Variants in VSTM4 observed in about 807,000 individuals in gnomAD.
VSTM4 encodes V-set and transmembrane domain containing 4, also known as V-set and transmembrane domain-containing protein 4.
In VSTM4, 20 loss-of-function variants were observed where a neutral mutation model predicts 36.4. That is an observed-to-expected ratio of 0.55 (90% confidence interval 0.39 to 0.80). The LOEUF is 0.80. Among genes scored for constraint, VSTM4 ranks in the 30% least tolerant of loss-of-function variants. VSTM4 has a pLI of 0.00. For synonymous variants in VSTM4, 182 were observed against 173.9 expected (o/e 1.05, Z -0.37); for missense variants, 392 against 404.5 (o/e 0.97, Z 0.26).
intron 2 of VSTM4, among the ~76,000 whole-genome samples, chr10:49,097,657 AG>A (rs758393464): frequency 2.1e-4 from 32 of 152,242 alleles, no homozygotes; most frequent in Non-Finnish European, 2.9e-5. Context: ...TGTGCAACAC[AG>A]GGCAAAGCAA....
At chr10:49,109,981 G>A (rs1025599054) in intron 1 of VSTM4, among the ~76,000 whole-genome samples, 2 of 152,220 alleles carry the variant, frequency 1.3e-5, no homozygotes, top group Non-Finnish European at 2.9e-5. Flanking sequence ...CAGCTCCCAC[G>A]GCAGGAGCTC....
chr10:49,033,330 G>A (rs1260478788), intron 7 of VSTM4, among the ~76,000 whole-genome samples: 2 of 152,044 alleles, frequency 1.3e-5, no homozygotes. Flanking sequence ...AGGGAACTTG[G>A]CACACAGAAA....
At chr10:49,043,594 G>T (rs1007593704) in intron 7 of VSTM4, among the ~76,000 whole-genome samples, 3 of 152,154 alleles carry the variant, frequency 2.0e-5, no homozygotes, top group Non-Finnish European at 4.4e-5. Flanking sequence ...TAAAGGTAAT[G>T]AAGGGAAAGA....
At chr10:49,056,145 C>G (rs962955165) in intron 5 of VSTM4, among the ~76,000 whole-genome samples, 1 of 152,242 alleles carries the variant, frequency 6.6e-6, no homozygotes, top group Non-Finnish European at 1.5e-5. Flanking sequence ...ATGACCTTTA[C>G]AATAAATGGT....
At chr10:49,023,581 C>T (rs930519964) in intron 7 of VSTM4, among the ~76,000 whole-genome samples, 2 of 152,312 alleles carry the variant, frequency 1.3e-5, no homozygotes, top group African/African-American at 2.4e-5. Context: ...CACAGCCTGA[C>T]GAGGAGCCTG....
At chr10:49,044,292 C>G (rs571972724) in intron 7 of VSTM4, among the ~76,000 whole-genome samples, 75 of 151,622 alleles carry the variant, frequency 4.9e-4, no homozygotes, top group Middle Eastern at 3.4e-3. Context: ...AGTACCACTG[C>G]ATTCCAGCTT....
chr10:49,092,594 G>A (rs934010587), intron 2 of VSTM4, among the ~76,000 whole-genome samples: 3 of 152,194 alleles, frequency 2.0e-5, no homozygotes, highest in Admixed American at 6.5e-5. Flanking sequence ...TATGGAAAGG[G>A]GAAGGGGCGT....
At position 49,014,377 on chromosome 10, in the gene VSTM4, G is replaced by A. The variant is rs1843071995; in HGVS notation, c.*5273C>T. The A allele has an allele frequency of 6.6e-6, 1 of 152,186 alleles. No individual in the cohort carries two copies. Among genetic ancestry groups the A allele is most frequent in the African/African-American group, 2.4e-5 (1 of 41,434 alleles). The allele number at this position is 152,186 out of a possible 1,614,324, so 9.4% of individuals were successfully genotyped here. ...CAATCAGACACTAAATTGGAGTGAC[G>A]CTAATAGCATTGTGTTTATTAGAAA... On this transcript the variant is annotated 3_prime_UTR_variant, in exon 8 of 8. Coordinates refer to ENST00000332853, the MANE Select transcript of VSTM4 (RefSeq NM_001031746.5).
chr10:49,097,911 G>A (rs542863334), intron 2 of VSTM4, among the ~76,000 whole-genome samples: 7 of 152,288 alleles, frequency 4.6e-5, no homozygotes, highest in South Asian at 4.1e-4. Context: ...GTTTGTTTGC[G>A]TGTGTTCTTG....
intron 2 of VSTM4, among the ~76,000 whole-genome samples, chr10:49,094,086 T>C (rs1844528204): frequency 6.6e-6 from 1 of 152,182 alleles, no homozygotes. Flanking sequence ...ATGAACGTGA[T>C]ACAGTGGGGT....
intron 4 of VSTM4, among the ~76,000 whole-genome samples, chr10:49,073,055 C>G (rs1590107317): frequency 6.6e-6 from 1 of 152,202 alleles, no homozygotes; most frequent in East Asian, 1.9e-4. Flanking sequence ...GAAGTCTTGA[C>G]CACCTTAAAA....
intron 2 of VSTM4, chr10:49,103,467 C>A: frequency 5.8e-6 from 6 of 1,029,760 alleles, no homozygotes; most frequent in Non-Finnish European, 7.1e-6. Flanking sequence ...TCTTTAAACC[C>A]TTTCAGTATT....
At chr10:49,098,281 G>C (rs1263554035) in intron 2 of VSTM4, among the ~76,000 whole-genome samples, 2 of 152,138 alleles carry the variant, frequency 1.3e-5, no homozygotes, top group African/African-American at 2.4e-5. Context: ...ACTTCATCAC[G>C]TCTCACCTGC....
chr10:49,022,465 A>T (rs1843197055), intron 7 of VSTM4, among the ~76,000 whole-genome samples: 1 of 152,136 alleles, frequency 6.6e-6, no homozygotes, highest in Non-Finnish European at 1.5e-5. Context: ...ATAGACAAGG[A>T]GAGTTACAAA....
At chr10:49,065,162 G>A (rs1249047428) in intron 4 of VSTM4, among the ~76,000 whole-genome samples, 1 of 152,180 alleles carries the variant, frequency 6.6e-6, no homozygotes, top group Non-Finnish European at 1.5e-5. Flanking sequence ...TGCTCTTCCA[G>A]GACTAAAAAG....
chr10:49,106,844 A>T (rs2132026054), intron 2 of VSTM4, among the ~76,000 whole-genome samples: 1 of 152,260 alleles, frequency 6.6e-6, no homozygotes, highest in Non-Finnish European at 1.5e-5. Flanking sequence ...TCCAACAAAC[A>T]CTAACATAGT....
chr10:49,064,978 C>T (rs1375317557), intron 4 of VSTM4, among the ~76,000 whole-genome samples: 1 of 152,226 alleles, frequency 6.6e-6, no homozygotes, highest in Non-Finnish European at 1.5e-5. Context: ...ACACCCCAGA[C>T]TTCCTGGGTA....
chr10:49,027,438 T>C (rs540828456), intron 7 of VSTM4, among the ~76,000 whole-genome samples: 39 of 152,320 alleles, frequency 2.6e-4, no homozygotes, highest in Middle Eastern at 6.8e-3. Flanking sequence ...AATGGAGGTT[T>C]CTCAAAATTT....
At position 49,017,837 on chromosome 10, in the gene VSTM4, A is replaced by C. The variant is rs932783782; in HGVS notation, c.*1813T>G. 2.6e-5 allele frequency: 4 copies of C among 152,222 alleles called. No homozygotes were observed. Among genetic ancestry groups the C allele is most frequent in the African/African-American group, 9.7e-5 (4 of 41,450 alleles). 9.4% of individuals were successfully genotyped at this position (152,222 alleles called of 1,614,324 possible). ...TCAGAACACTGCCATGATAAAATTA[A>C]AAATCCCTGTGATAATTATTATATA... On this transcript the variant is annotated 3_prime_UTR_variant, in exon 8 of 8. Transcript: ENST00000332853.
Sources: allele counts gnomAD v4.1 joint callset (sites outside exome capture counted in the v4.1 genomes callset), GRCh38; gene constraint gnomAD v4.1.1; transcripts MANE v1.5; gene names NCBI Gene and HGNC (gene_info 2026-07-23, HGNC 2026-07-21).